Variants in TYR observed in about 807,000 individuals in gnomAD.
TYR encodes tyrosinase.
A neutral mutation model predicts 51.5 loss-of-function variants in TYR; 58 were observed. The ratio of observed to expected loss-of-function variants is 1.13; its 90% CI spans 0.91 to 1.40. The LOEUF (loss-of-function observed/expected upper bound fraction) is 1.40. Ranked by LOEUF, TYR falls within the 40% of genes most tolerant of loss-of-function variation. The pLI is 0.00. For synonymous variants in TYR, 263 were observed against 235.2 expected (o/e 1.12, Z -1.08); for missense variants, 732 against 647.4 (o/e 1.13, Z -1.42).
At chr11:89,239,173 G>C (rs974754413) in intron 3 of TYR, among the ~76,000 whole-genome samples, 32 of 152,088 alleles carry the variant, frequency 2.1e-4, no homozygotes, top group Admixed American at 3.9e-4. Flanking sequence ...TTCTTTAAAT[G>C]TTGGCAGAAC....
intron 2 of TYR, among the ~76,000 whole-genome samples, chr11:89,213,420 G>C (rs971130911): frequency 1.3e-5 from 2 of 152,100 alleles, no homozygotes; most frequent in African/African-American, 4.8e-5. Context: ...ACAAACCATG[G>C]TTCAAGGAAA....
At chr11:89,181,123 T>G (rs1943295033) in intron 1 of TYR, among the ~76,000 whole-genome samples, 1 of 152,102 alleles carries the variant, frequency 6.6e-6, no homozygotes, top group Non-Finnish European at 1.5e-5. Flanking sequence ...CAAGTGATTC[T>G]TCTGCCTCAG....
At chr11:89,221,222 C>T (rs1364531786) in intron 2 of TYR, among the ~76,000 whole-genome samples, 1 of 152,146 alleles carries the variant, frequency 6.6e-6, no homozygotes, top group African/African-American at 2.4e-5. Context: ...ACAGGTGATG[C>T]TGCTAACTCT....
intron 2 of TYR, among the ~76,000 whole-genome samples, chr11:89,225,661 G>A (rs1943967263): frequency 6.6e-6 from 1 of 151,754 alleles, no homozygotes; most frequent in Admixed American, 6.6e-5. Context: ...AATAATTATG[G>A]TGGATACATT....
chr11:89,250,936 G>C (rs1944324996), intron 3 of TYR, among the ~76,000 whole-genome samples: 1 of 151,830 alleles, frequency 6.6e-6, no homozygotes, highest in African/African-American at 2.4e-5. Flanking sequence ...ATCAGACCTA[G>C]CTTTTAAAAT....
At chr11:89,204,466 C>T (rs369265048) in intron 2 of TYR, among the ~76,000 whole-genome samples, 24 of 151,900 alleles carry the variant, frequency 1.6e-4, no homozygotes, top group Middle Eastern at 3.4e-3. Context: ...TGATCTCAGC[C>T]CACTGCAACC....
At chr11:89,262,308 C>G (rs923476406) in intron 3 of TYR, among the ~76,000 whole-genome samples, 2 of 152,076 alleles carry the variant, frequency 1.3e-5, no homozygotes, top group African/African-American at 4.8e-5. Context: ...ATCTGCCAGC[C>G]TTGGCCTCCC....
chr11:89,210,046 C>T (rs937245211), intron 2 of TYR, among the ~76,000 whole-genome samples: 26 of 152,030 alleles, frequency 1.7e-4, no homozygotes, highest in African/African-American at 6.3e-4. Flanking sequence ...TTCCAAAAAC[C>T]AGAATGCCTC....
chr11:89,192,361 A>G (rs1943457931), intron 2 of TYR, among the ~76,000 whole-genome samples: 1 of 152,136 alleles, frequency 6.6e-6, no homozygotes, highest in Non-Finnish European at 1.5e-5. Context: ...GAGTTTGGGG[A>G]AGACATAGGC....
intron 1 of TYR, among the ~76,000 whole-genome samples, chr11:89,189,014 C>A (rs543781509): frequency 6.6e-6 from 1 of 152,068 alleles, no homozygotes; most frequent in Non-Finnish European, 1.5e-5. Context: ...GAACAACATC[C>A]TGTTGTCAGC....
intron 3 of TYR, among the ~76,000 whole-genome samples, chr11:89,250,683 C>G (rs116602427): frequency 0.01 from 1,562 of 151,862 alleles, 23 homozygotes; most frequent in African/African-American, 0.033. Flanking sequence ...TAGGGTCTTC[C>G]CTGTCTGTGT....
chr11:89,264,415 G>A (rs1341234647), intron 3 of TYR, among the ~76,000 whole-genome samples: 1 of 151,754 alleles, frequency 6.6e-6, no homozygotes, highest in Admixed American at 6.6e-5. Flanking sequence ...ACATGTGCAG[G>A]TTGATTACAT....
rs200924024 is a variant in TYR at position 89,287,647 on chromosome 11, G to A, written c.1366+2693G>A. ...ACAGGTAGAATTAACTAGTTGAAAA[G>A]GAGGACATGGTTATGAATTTGGGCC... On this transcript the variant is annotated intron_variant, in intron 4 of 4. Coordinates refer to ENST00000263321, the MANE Select transcript of TYR (RefSeq NM_000372.5). Among the ~76,000 whole-genome samples the A allele has an allele frequency of 3.6e-3, 546 of 151,974 alleles. 12 individuals are homozygous for A. In the East Asian group the frequency reaches 0.05, roughly 14 times the overall value.
intron 4 of TYR, among the ~76,000 whole-genome samples, chr11:89,292,191 C>T (rs1390854923): frequency 2.0e-5 from 3 of 151,974 alleles, no homozygotes; most frequent in Non-Finnish European, 4.4e-5. Flanking sequence ...TCTCATTCCA[C>T]AGCTGCCATT....
At chr11:89,248,727 G>T (rs1170394655) in intron 3 of TYR, among the ~76,000 whole-genome samples, 3 of 152,158 alleles carry the variant, frequency 2.0e-5, no homozygotes, top group Non-Finnish European at 4.4e-5. Context: ...CTTGGCTATT[G>T]TGACAAATAG....
chr11:89,253,765 C>A (rs2135301488), intron 3 of TYR, among the ~76,000 whole-genome samples: 1 of 151,736 alleles, frequency 6.6e-6, no homozygotes, highest in East Asian at 1.9e-4. Context: ...ATCATATTAT[C>A]AGCAAACAGC....
At chr11:89,225,470 C>T (rs1393290657) in intron 2 of TYR, among the ~76,000 whole-genome samples, 2 of 151,910 alleles carry the variant, frequency 1.3e-5, no homozygotes, top group Non-Finnish European at 2.9e-5. Context: ...CTTAGACTAA[C>T]ATCTCCTTAA....
intron 3 of TYR, among the ~76,000 whole-genome samples, chr11:89,264,284 G>T (rs974952167): frequency 3.3e-5 from 5 of 151,972 alleles, no homozygotes; most frequent in African/African-American, 1.2e-4. Context: ...TTGGGGTAAA[G>T]TCTCCAAAGT....
chr11:89,238,151 G>A (rs1944143756), intron 3 of TYR, among the ~76,000 whole-genome samples: 1 of 151,972 alleles, frequency 6.6e-6, no homozygotes, highest in African/African-American at 2.4e-5. Context: ...TCCAATTTTT[G>A]AAGAAGAGAT....
Sources: gnomAD v4.1 joint callset for allele counts (sites outside exome capture counted in the v4.1 genomes callset) on GRCh38, gnomAD v4.1.1 for gene constraint, MANE v1.5 for transcripts, NCBI Gene and HGNC (gene_info 2026-07-23, HGNC 2026-07-21) for gene names.